The following ZCCHC14 variants were observed in gnomAD, a reference collection of about 807,000 sequenced individuals.
The protein encoded by ZCCHC14 is zinc finger CCHC-type containing 14, also known as zinc finger CCHC domain-containing protein 14.
ZCCHC14 carries 16 observed loss-of-function variants against 85.0 expected under a neutral mutation model. That is an observed-to-expected ratio of 0.19 (90% confidence interval 0.13 to 0.29). The LOEUF is 0.29. Ranked by LOEUF, ZCCHC14 falls within the 10% of genes least tolerant of loss-of-function variation. The pLI is 1.00. For missense variants in ZCCHC14, 1,303 were observed against 1,443.5 expected (o/e 0.90, Z 1.58); for synonymous variants, 775 against 630.7 (o/e 1.23, Z -3.43).
rs921041604 is a variant in ZCCHC14, at chr16:87,408,807, T to C, written c.*1473A>G. The C allele has an allele frequency of 6.6e-6, 1 of 152,476 alleles. No individual in the cohort carries two copies. Among genetic ancestry groups the C allele is most frequent in the African/African-American group, 2.4e-5 (1 of 41,458 alleles). 9.4% of individuals were successfully genotyped at this position (152,476 alleles called of 1,614,324 possible). On this transcript the variant is annotated 3_prime_UTR_variant, in exon 13 of 13. Coordinates refer to ENST00000671377, the MANE Select transcript of ZCCHC14 (RefSeq NM_015144.3). ...GATTTACATCAATTTTTCATGAGGCTGATTGTCCCATTTTAAGAATAGTCT... is the reference window on the plus strand; with the variant it reads ...GATTTACATCAATTTTTCATGAGGCCGATTGTCCCATTTTAAGAATAGTCT...
intron 9 of ZCCHC14, among the ~76,000 whole-genome samples, 174 bp downstream of exon 9, chr16:87,415,102 A>C (rs1354832552): frequency 6.6e-6 from 1 of 152,198 alleles, no homozygotes; most frequent in Non-Finnish European, 1.5e-5. Context: ...AATAAATAAA[A>C]ATAATCCGTC....
chr16:87,419,154 A>C (rs1908955172), intron 6 of ZCCHC14, among the ~76,000 whole-genome samples: 1 of 141,670 alleles, frequency 7.1e-6, no homozygotes, highest in African/African-American at 2.7e-5. Context: ...TTGGAGATGG[A>C]GTCTTGCTCT....
chr16:87,410,959 A>G (rs1908402841), intron 12 of ZCCHC14, among the ~76,000 whole-genome samples: 1 of 152,230 alleles, frequency 6.6e-6, no homozygotes, highest in African/African-American at 2.4e-5. Context: ...CGTTTCCAAA[A>G]CAGACAGCAA....
At chr16:87,443,787 A>G (rs1008862332) in intron 2 of ZCCHC14, among the ~76,000 whole-genome samples, 2 of 152,082 alleles carry the variant, frequency 1.3e-5, no homozygotes, top group African/African-American at 2.4e-5. Context: ...CTATAATCCC[A>G]GCACTTTGGG....
In ZCCHC14 at chr16:87,492,029, G is replaced by C. The variant is rs1476980824; in HGVS notation, c.210C>G (p.Ala70=). 12 of 1,389,384 alleles carry C rather than the reference G, an allele frequency of 8.6e-6. No individual in the cohort carries two copies. Among genetic ancestry groups the C allele is most frequent in the South Asian group, 1.6e-5 (1 of 61,848 alleles). The allele number at this position is 1,389,384 out of a possible 1,614,324, so 86.1% of individuals were successfully genotyped here. Residue 70 remains alanine, a synonymous_variant, in exon 1 of 13, where the codon GCC becomes GCG. Transcript: ENST00000671377. The surrounding 1 kb of genome is among the most constrained non-coding windows in gnomAD (Gnocchi z 6.7). ...TCAGGTTGGTGAGGCTGCCCAGGTC[G>C]GCCGGGTTGTTGGCCTTGATCTCCG... ...RDSEIKANNP[A]DLGSLTNLTD...
chr16:87,423,965 C>T, intron 3 of ZCCHC14, 84 bp from the exon 4 acceptor site: 1 of 1,452,154 alleles, frequency 6.9e-7, no homozygotes, highest in Admixed American at 1.9e-5. Flanking sequence ...GACTGGGGCA[C>T]ACGTTCAGTC....
chr16:87,444,190 C>G (rs952892054), intron 2 of ZCCHC14, among the ~76,000 whole-genome samples: 14 of 152,146 alleles, frequency 9.2e-5, no homozygotes, highest in Admixed American at 5.9e-4. Flanking sequence ...ACCCATTTCC[C>G]ACTAAATGAA....
chr16:87,465,068 T>C lies in ZCCHC14; in HGVS notation c.571-4937A>G, dbSNP rs115527391. ...ATCCAGTCCTCCCCCAGCTCTTCAC[T>C]CCATGCACTGCTGCCCTGGGCACAG... On this transcript the variant is annotated intron_variant, in intron 1 of 12. Coordinates refer to ENST00000671377, the MANE Select transcript of ZCCHC14 (RefSeq NM_015144.3). 5.2e-3 allele frequency among the ~76,000 whole-genome samples: 791 copies of C among 152,278 alleles called. 13 individuals are homozygous for C. Among genetic ancestry groups the C allele is most frequent in the African/African-American group, 0.018 (761 of 41,544 alleles).
At chr16:87,461,102 C>T (rs578032931) in intron 1 of ZCCHC14, among the ~76,000 whole-genome samples, 1 of 152,318 alleles carries the variant, frequency 6.6e-6, no homozygotes, top group Non-Finnish European at 1.5e-5. Flanking sequence ...CTGCAGGTGA[C>T]GGCCGCCCCC....
intron 1 of ZCCHC14, among the ~76,000 whole-genome samples, chr16:87,488,979 A>G (rs1912633502): frequency 6.6e-6 from 1 of 152,272 alleles, no homozygotes; most frequent in Admixed American, 6.5e-5. Flanking sequence ...AGTTCAAAAT[A>G]AAATACAACA....
At chr16:87,458,050 A>G (rs1224048586) in intron 2 of ZCCHC14, among the ~76,000 whole-genome samples, 1 of 152,110 alleles carries the variant, frequency 6.6e-6, no homozygotes, top group African/African-American at 2.4e-5. Context: ...CTGGGCACCA[A>G]AGCATGCAGA....
chr16:87,446,898 G>A (rs1051748024), intron 2 of ZCCHC14, among the ~76,000 whole-genome samples: 5 of 151,954 alleles, frequency 3.3e-5, no homozygotes, highest in South Asian at 2.1e-4. Context: ...TGTTGGCCAC[G>A]CTGGTCTTGA....
rs1597393879 is a variant in ZCCHC14, at chr16:87,407,225, A to G, written c.*3055T>C. On this transcript the variant is annotated 3_prime_UTR_variant, in exon 13 of 13. Transcript: ENST00000671377. ...GACTTTGGGCAATAAAGGACCTAGA[A>G]TTCTAAGTACTGAATTAAAAATACA... 1 of 152,370 alleles carries G rather than the reference A, an allele frequency of 6.6e-6. No individual in the cohort carries two copies. The highest frequency in any genetic ancestry group is 1.5e-5 in the Non-Finnish European group (1 of 68,032). The allele number at this position is 152,370 out of a possible 1,614,324, so 9.4% of individuals were successfully genotyped here. A position where few individuals can be genotyped will look rare whatever the true frequency, so the allele number is the denominator to read the frequency against.
intron 3 of ZCCHC14, among the ~76,000 whole-genome samples, chr16:87,426,307 G>A (rs1374448137): frequency 2.0e-5 from 3 of 152,214 alleles, no homozygotes; most frequent in Non-Finnish European, 2.9e-5. Context: ...ATGGGGACAC[G>A]TGTCCAACCA....
chr16:87,439,152 T>G (rs1910068075), intron 2 of ZCCHC14, among the ~76,000 whole-genome samples: 1 of 148,846 alleles, frequency 6.7e-6, no homozygotes. Context: ...TTTTTTTTTC[T>G]TTTTTTAGAG....
rs1023703746 is a variant in ZCCHC14 at position 87,408,688 on chromosome 16, T to G, written c.*1592A>C. Reference sequence around the variant, plus strand: ...TACTAAAAGCCTGTCATAAAAAAAATGTAACAACTTTCTGCTTTAGTTTCT... The same window carrying G: ...TACTAAAAGCCTGTCATAAAAAAAAGGTAACAACTTTCTGCTTTAGTTTCT... On this transcript the variant is annotated 3_prime_UTR_variant, in exon 13 of 13. Transcript: ENST00000671377. 1.3e-5 allele frequency: 2 copies of G among 152,426 alleles called. No individual in the cohort carries two copies. The highest frequency in any genetic ancestry group is 4.8e-5 in the African/African-American group (2 of 41,444). The allele number at this position is 152,426 out of a possible 1,614,324, so 9.4% of individuals were successfully genotyped here.
chr16:87,432,994 G>T, intron 3 of ZCCHC14, 134 bp downstream of exon 3: 1 of 875,748 alleles, frequency 1.1e-6, no homozygotes, highest in Non-Finnish European at 1.7e-6. Context: ...CGAGCTCAGG[G>T]CCAGCTTCCT....
At chr16:87,418,501 T>C (rs1018094613) in intron 7 of ZCCHC14, among the ~76,000 whole-genome samples, 2 of 152,186 alleles carry the variant, frequency 1.3e-5, no homozygotes, top group African/African-American at 4.8e-5. Context: ...CGACTGCAGC[T>C]ACCCAGGGCC....
chr16:87,414,952 G>C (rs934072026), intron 9 of ZCCHC14, among the ~76,000 whole-genome samples: 2 of 152,132 alleles, frequency 1.3e-5, no homozygotes, highest in African/African-American at 4.8e-5. Context: ...CGTGGTGGCG[G>C]GTGCCTGTAA....
Sources: allele counts gnomAD v4.1 joint callset (sites outside exome capture counted in the v4.1 genomes callset), GRCh38; gene constraint gnomAD v4.1.1; non-coding constraint Gnocchi (gnomAD v3.1); transcripts MANE v1.5; gene names NCBI Gene and HGNC (gene_info 2026-07-23, HGNC 2026-07-21).